MACROD2: variants seen among roughly 807,000 people sequenced by gnomAD.
The protein encoded by MACROD2 is mono-ADP ribosylhydrolase 2.
Under a neutral mutation model 70.4 loss-of-function variants are expected in MACROD2, and 36 were observed. That is an observed-to-expected ratio of 0.51 (90% CI 0.39 to 0.68). The LOEUF (loss-of-function observed/expected upper bound fraction) is 0.68, where lower values mean the gene tolerates loss of function less well. MACROD2 is among the 30% of genes least tolerant of loss of function. The probability of loss-of-function intolerance (pLI) is 0.00; values close to 1 mark genes in which losing one functional copy is unlikely to be tolerated. For missense variants in MACROD2, 496 were observed against 538.4 expected (o/e 0.92, Z 0.78); for synonymous variants, 172 against 178.8 (o/e 0.96, Z 0.30).
intron 3 of MACROD2, among the ~76,000 whole-genome samples, chr20:14,180,833 TTACAA>T (rs1420697234): frequency 6.6e-6 from 1 of 152,066 alleles, no homozygotes; most frequent in Non-Finnish European, 1.5e-5. Flanking sequence ...TGCAAAGAAA[TTACAA>T]TACAAATCAA....
intron 13 of MACROD2, among the ~76,000 whole-genome samples, 184 bp downstream of exon 13, chr20:15,967,814 A>G (rs1273696316): frequency 1.3e-5 from 2 of 152,166 alleles, no homozygotes; most frequent in Non-Finnish European, 1.5e-5. Flanking sequence ...TGCTTTCCAG[A>G]ATCCTCATCA....
intron 3 of MACROD2, among the ~76,000 whole-genome samples, chr20:14,438,090 TC>T (rs558968544): frequency 2.0e-5 from 3 of 152,338 alleles, no homozygotes; most frequent in Non-Finnish European, 4.4e-5. Flanking sequence ...TTGACTTGCA[TC>T]TTCCTATTTC....
At chr20:15,547,911 A>T (rs935502094) in intron 8 of MACROD2, among the ~76,000 whole-genome samples, 3 of 152,130 alleles carry the variant, frequency 2.0e-5, no homozygotes, top group African/African-American at 7.2e-5. Flanking sequence ...TACCCTCTCT[A>T]GTAATTGTGT....
At chr20:14,270,362 T>G (rs1230155164) in intron 3 of MACROD2, among the ~76,000 whole-genome samples, 1 of 152,050 alleles carries the variant, frequency 6.6e-6, no homozygotes, top group Non-Finnish European at 1.5e-5. Flanking sequence ...GAGGCTGAGG[T>G]GGGCGGATCA....
chr20:14,637,790 GA>G (rs1714454111), intron 4 of MACROD2, among the ~76,000 whole-genome samples: 2 of 152,164 alleles, frequency 1.3e-5, no homozygotes, highest in Middle Eastern at 3.4e-3. Context: ...CTCTTCGATG[GA>G]AGAAAAATTT....
rs150895349 is a variant in MACROD2 at position 15,081,280 on chromosome 20, G to A, written c.419-148660G>A. ...CTCATTTGTTTACATGTTGTCTATA[G>A]CTATTTTGTCATTACAACAACTGAG... On this transcript the variant is annotated intron_variant, in intron 5 of 17. Transcript: ENST00000684519. 1.3e-3 allele frequency among the ~76,000 whole-genome samples: 199 copies of A among 152,230 alleles called. 1 individual carries two copies. The highest frequency in any genetic ancestry group is 4.3e-3 in the African/African-American group (180 of 41,542).
Position 14,852,281 on chromosome 20 carries a change from G to A in MACROD2, c.418+167322G>A, listed in dbSNP as rs1280144491. On this transcript the variant is annotated intron_variant, in intron 5 of 17. Transcript: ENST00000684519. Reference sequence around the variant, plus strand: ...ATCAAAGAGGCCCCCACAGTAGTCCGTTTCAGAGAGAAAGATACACAGAGC... The same window carrying A: ...ATCAAAGAGGCCCCCACAGTAGTCCATTTCAGAGAGAAAGATACACAGAGC... Among the ~76,000 whole-genome samples the A allele has an allele frequency of 4.6e-5, 7 of 152,222 alleles. No individual in the cohort carries two copies. In the South Asian group the frequency reaches 6.2e-4, roughly 14 times the overall value.
intron 11 of MACROD2, among the ~76,000 whole-genome samples, chr20:15,935,140 C>A (rs1469042300): frequency 6.6e-6 from 1 of 152,164 alleles, no homozygotes; most frequent in East Asian, 1.9e-4. Context: ...TCCCTTTAAC[C>A]AGTTGAGAAC....
rs150695790 is a variant in MACROD2 at position 15,329,956 on chromosome 20, G to A, written c.540+99895G>A. On this transcript the variant is annotated intron_variant, in intron 6 of 17. Transcript: ENST00000684519. Reference sequence around the variant, plus strand: ...AGACCCTTATTTGAGAGGTGCCTTCGCTATACCCAGAAGAAACATCCTTAT... The same window carrying A: ...AGACCCTTATTTGAGAGGTGCCTTCACTATACCCAGAAGAAACATCCTTAT... 4.3e-4 allele frequency among the ~76,000 whole-genome samples: 65 copies of A among 151,988 alleles called. No homozygotes were observed. The East Asian group carries it at 0.011, about 27-fold the overall frequency.
chr20:15,327,431 T>A (rs1231460171), intron 6 of MACROD2, among the ~76,000 whole-genome samples: 1 of 152,070 alleles, frequency 6.6e-6, no homozygotes, highest in Non-Finnish European at 1.5e-5. Context: ...TTTAACTGAT[T>A]TACAGTTTGG....
intron 6 of MACROD2, among the ~76,000 whole-genome samples, chr20:15,424,814 A>G (rs1252510337): frequency 3.3e-5 from 5 of 152,230 alleles, no homozygotes; most frequent in African/African-American, 1.2e-4. Flanking sequence ...GAACTAGGAT[A>G]ACTCTTATAT....
At chr20:14,497,176 T>C (rs919612695) in intron 4 of MACROD2, among the ~76,000 whole-genome samples, 3 of 151,748 alleles carry the variant, frequency 2.0e-5, no homozygotes, top group African/African-American at 7.3e-5. Context: ...CTTGGCTTAT[T>C]TTCACAAGTC....
At chr20:15,705,892 T>A (rs1361535562) in intron 8 of MACROD2, among the ~76,000 whole-genome samples, 2 of 152,216 alleles carry the variant, frequency 1.3e-5, no homozygotes, top group East Asian at 3.8e-4. Context: ...GAATATGGTT[T>A]CTTAATTATC....
chr20:14,092,157 C>G (rs2054158214), intron 3 of MACROD2, among the ~76,000 whole-genome samples: 2 of 152,094 alleles, frequency 1.3e-5, no homozygotes, highest in Non-Finnish European at 2.9e-5. Context: ...GTGTTAATAG[C>G]TAATCATGTT....
chr20:14,327,415 C>T, intron 3 of MACROD2: 1 of 1,613,618 alleles, frequency 6.2e-7, no homozygotes, highest in South Asian at 1.1e-5. Flanking sequence ...CACAGATGGA[C>T]AGGATTTAGC....
chr20:15,877,841 G>C (rs1381269135), intron 9 of MACROD2, among the ~76,000 whole-genome samples: 1 of 152,158 alleles, frequency 6.6e-6, no homozygotes, highest in African/African-American at 2.4e-5. Context: ...GGAAGCATGT[G>C]AAATAAAACC....
At chr20:15,657,251 G>A (rs187835048) in intron 8 of MACROD2, among the ~76,000 whole-genome samples, 5 of 152,280 alleles carry the variant, frequency 3.3e-5, no homozygotes, top group Admixed American at 3.3e-4. Flanking sequence ...CCGTCAAATA[G>A]GATGTTTTTA....
chr20:14,927,484 C>T (rs140809218), intron 5 of MACROD2, among the ~76,000 whole-genome samples: 174 of 152,290 alleles, frequency 1.1e-3, no homozygotes, highest in Middle Eastern at 3.4e-3. Context: ...CTCAAGAGAA[C>T]CAGATACTCT....
chr20:14,824,031 A>T (rs1366661246), intron 5 of MACROD2, among the ~76,000 whole-genome samples: 1 of 152,120 alleles, frequency 6.6e-6, no homozygotes, highest in African/African-American at 2.4e-5. Flanking sequence ...GGACTGCAGG[A>T]GGAGAAATAC....
Sources: allele counts gnomAD v4.1 joint callset (sites outside exome capture counted in the v4.1 genomes callset), GRCh38; gene constraint gnomAD v4.1.1; transcripts MANE v1.5; gene names NCBI Gene and HGNC (gene_info 2026-07-23, HGNC 2026-07-21).